Variants in C8B observed in about 807,000 individuals in gnomAD.
C8B encodes complement component C8 beta chain.
In C8B, 67 loss-of-function variants were observed where a neutral mutation model predicts 64.6. The observed-to-expected ratio is 1.04, with a 90% CI of 0.85 to 1.27. C8B has a LOEUF of 1.27. C8B is among the 50% of genes most tolerant of loss of function. The pLI, the probability that C8B is intolerant of heterozygous loss-of-function variation, is 0.00. For missense variants in C8B, 790 were observed against 725.2 expected, an observed-to-expected ratio of 1.09 and a Z score of -1.03; for synonymous variants, 284 against 257.7, an observed-to-expected ratio of 1.10 and a Z score of -0.98.
chr1:56,938,879 T>C (rs558805257), intron 9 of C8B, among the ~76,000 whole-genome samples: 10 of 141,794 alleles, frequency 7.1e-5, no homozygotes, highest in African/African-American at 2.5e-4. Flanking sequence ...CATCTGCAGT[T>C]CCCTCTTGCC....
intron 8 of C8B, among the ~76,000 whole-genome samples, chr1:56,942,197 G>A (rs1230622196): frequency 6.6e-6 from 1 of 152,190 alleles, no homozygotes; most frequent in African/African-American, 2.4e-5. Context: ...GCCCTGTCCA[G>A]GCCTTAAATT....
At chr1:56,952,252 C>A (rs1057411745) in intron 4 of C8B, 72 bp from the exon 5 acceptor site, 7 of 1,602,268 alleles carry the variant, frequency 4.4e-6, no homozygotes, top group Non-Finnish European at 5.1e-6. Flanking sequence ...TCAGACCCTA[C>A]TGAACGAAAA....
chr1:56,945,783 C>T (rs1166081416), intron 7 of C8B, 38 bp downstream of exon 7: 2 of 1,613,522 alleles, frequency 1.2e-6, no homozygotes, highest in East Asian at 2.2e-5. Context: ...ACTCTTCCCC[C>T]AGCTTTTAGG....
chr1:56,960,189 A>G lies in C8B; in HGVS notation c.93-13T>C. On this transcript the variant is annotated splice_polypyrimidine_tract_variant and intron_variant, in intron 1 of 11. Coordinates refer to ENST00000371237, the MANE Select transcript of C8B (RefSeq NM_000066.4). ...TGGCCTTTCACCTCTAAAAGTCATT[A>G]TGAGAGAAGAGAGTCACGTATCAGA... 1 of 1,613,606 alleles carries G rather than the reference A, an allele frequency of 6.2e-7. No homozygotes were observed. Among genetic ancestry groups the G allele is most frequent in the South Asian group, 1.1e-5 (1 of 91,064 alleles).
At chr1:56,944,794 A>C (rs1557734043) in intron 7 of C8B, among the ~76,000 whole-genome samples, 1 of 152,234 alleles carries the variant, frequency 6.6e-6, no homozygotes, top group African/African-American at 2.4e-5. Context: ...AAAAATTTAC[A>C]TGGTGTACCA....
At chr1:56,937,717 A>C (rs1644795061) in intron 9 of C8B, among the ~76,000 whole-genome samples, 1 of 152,214 alleles carries the variant, frequency 6.6e-6, no homozygotes, top group African/African-American at 2.4e-5. Context: ...TTTCGGAGAT[A>C]CTTACACTAA....
chr1:56,959,254 C>A (rs1018311041), intron 2 of C8B, among the ~76,000 whole-genome samples: 6 of 152,150 alleles, frequency 3.9e-5, no homozygotes, highest in African/African-American at 1.4e-4. Context: ...CTATTCTGTG[C>A]CAGAGATTGG....
chr1:56,943,632 A>T, intron 8 of C8B, 64 bp downstream of exon 8: 1 of 1,596,330 alleles, frequency 6.3e-7, no homozygotes. Context: ...AGGTGTTGTA[A>T]TCACCAGAGG....
At chr1:56,955,921 G>C (rs1399698366) in intron 3 of C8B, among the ~76,000 whole-genome samples, 2 of 152,154 alleles carry the variant, frequency 1.3e-5, no homozygotes, top group Non-Finnish European at 2.9e-5. Context: ...CCATCTGTTT[G>C]CTTGGATTCT....
At chr1:56,934,136 C>T (rs1644742046) in intron 9 of C8B, among the ~76,000 whole-genome samples, 1 of 110,616 alleles carries the variant, frequency 9.0e-6, no homozygotes, top group Non-Finnish European at 2.1e-5. Flanking sequence ...ATAGTCAATA[C>T]TGTCTTTTTT....
At chr1:56,934,225 T>G (rs1303829440) in intron 9 of C8B, among the ~76,000 whole-genome samples, 1 of 150,466 alleles carries the variant, frequency 6.6e-6, no homozygotes, top group Admixed American at 6.7e-5. Context: ...ATGTCTCAGC[T>G]CTGTGTTTCG....
intron 8 of C8B, 44 bp from the exon 9 acceptor site, chr1:56,941,056 T>G: frequency 6.2e-7 from 1 of 1,608,814 alleles, no homozygotes; most frequent in Non-Finnish European, 8.5e-7. Context: ...GATATCCCTT[T>G]GCCCCCTAGA....
intron 1 of C8B, among the ~76,000 whole-genome samples, chr1:56,961,971 T>C (rs59057601): frequency 0.027 from 4,058 of 152,278 alleles, 174 homozygotes; most frequent in African/African-American, 0.093. Context: ...GACAAAACAA[T>C]ATTGTCTGTG....
intron 2 of C8B, 89 bp downstream of exon 2, chr1:56,959,920 GGCCAACTATGT>G: frequency 7.7e-7 from 1 of 1,301,318 alleles, no homozygotes; most frequent in Non-Finnish European, 1.1e-6. Context: ...ATTTATTGAG[GGCCAACTATGT>G]GCCAGGCACT....
intron 7 of C8B, 146 bp downstream of exon 7, chr1:56,945,675 G>T: frequency 9.8e-7 from 1 of 1,016,700 alleles, no homozygotes; most frequent in Non-Finnish European, 1.5e-6. Flanking sequence ...GAGGAGGACT[G>T]ACATTGTCAA....
chr1:56,957,534 CATT>C (rs1225336660), intron 2 of C8B, among the ~76,000 whole-genome samples: 1 of 152,128 alleles, frequency 6.6e-6, no homozygotes, highest in African/African-American at 2.4e-5. Flanking sequence ...TATATAATCT[CATT>C]ATGTTGTTGG....
chr1:56,936,513 A>ATTT lies in C8B; in HGVS notation c.1399-3026_1399-3025insAAA, dbSNP rs1557728244. Among the ~76,000 whole-genome samples, 2 of 64,874 alleles carry ATTT rather than the reference A, an allele frequency of 3.1e-5. 1 individual carries two copies. The highest frequency in any genetic ancestry group is 6.3e-5 in the Non-Finnish European group (2 of 31,748). 42.6% of individuals were successfully genotyped at this position (64,874 alleles called of 152,430 possible). ...CATATTAAGGATCTCATTTGTGGTA[A>ATTT]ATTTTTTTTTTTTTTTTTTTGGTGT... On this transcript the variant is annotated intron_variant, in intron 9 of 11. Transcript: ENST00000371237.
At chr1:56,962,979 A>G (rs191560390) in intron 1 of C8B, among the ~76,000 whole-genome samples, 2 of 152,358 alleles carry the variant, frequency 1.3e-5, no homozygotes, top group East Asian at 3.9e-4. Flanking sequence ...CTATCATATG[A>G]CACACATTGC....
chr1:56,945,948 CA>C lies in C8B; in HGVS notation c.977del (p.Leu326ArgfsTer35). 2.5e-6 allele frequency: 4 copies of C among 1,614,140 alleles called. No homozygotes were observed. The highest frequency in any genetic ancestry group is 3.4e-6 in the Non-Finnish European group (4 of 1,180,014). ...EFLQRVKRLP[L>X]EYSYGEYRDL... ...CTCTGTATTCCCCGTAGCTGTACTC[CA>C]GGGGCAGCCGCTTAACTCTCTGAAG... On this transcript the variant is annotated frameshift_variant, in exon 7 of 12. Coordinates refer to ENST00000371237, the MANE Select transcript of C8B (RefSeq NM_000066.4). LOFTEE classifies it high-confidence loss of function.
Sources: gnomAD v4.1 joint callset for allele counts (sites outside exome capture counted in the v4.1 genomes callset) on GRCh38, gnomAD v4.1.1 for gene constraint, MANE v1.5 for transcripts, NCBI Gene and HGNC (gene_info 2026-07-23, HGNC 2026-07-21) for gene names.